Variants in RABGAP1L observed in about 807,000 individuals in gnomAD.
The protein encoded by RABGAP1L is RAB GTPase activating protein 1 like.
In RABGAP1L, 63 loss-of-function variants were observed where a neutral mutation model predicts 137.7. That is an observed-to-expected ratio of 0.46 (90% CI 0.37 to 0.56). The LOEUF is 0.56. RABGAP1L is among the 20% of genes least tolerant of loss of function. RABGAP1L has a pLI of 0.00. For missense variants in RABGAP1L, 1,095 were observed against 1,244.0 expected, an observed-to-expected ratio of 0.88 and a Z score of 1.80; for synonymous variants, 431 against 433.7, an observed-to-expected ratio of 0.99 and a Z score of 0.08.
intron 15 of RABGAP1L, among the ~76,000 whole-genome samples, chr1:174,689,448 A>G (rs1463940197): frequency 6.6e-6 from 1 of 152,116 alleles, no homozygotes; most frequent in Non-Finnish European, 1.5e-5. Context: ...AGGGTCAGAG[A>G]TGATTTTTCA....
chr1:174,742,141 AGAG>A (rs1683481666), intron 17 of RABGAP1L, among the ~76,000 whole-genome samples: 1 of 109,760 alleles, frequency 9.1e-6, no homozygotes, highest in African/African-American at 3.6e-5. Flanking sequence ...AGAAAGAAGA[AGAG>A]GAAGAGGAGA....
At chr1:174,402,257 G>A (rs1202816169) in intron 13 of RABGAP1L, among the ~76,000 whole-genome samples, 1 of 151,976 alleles carries the variant, frequency 6.6e-6, no homozygotes, top group Admixed American at 6.6e-5. Flanking sequence ...CCCAAAACTA[G>A]AATGAAAGGG....
intron 13 of RABGAP1L, among the ~76,000 whole-genome samples, chr1:174,544,337 T>G (rs1315565804): frequency 1.3e-5 from 2 of 152,196 alleles, no homozygotes; most frequent in Non-Finnish European, 2.9e-5. Context: ...TTGCTTCATT[T>G]CATTCATTTG....
intron 19 of RABGAP1L, among the ~76,000 whole-genome samples, chr1:174,949,221 G>T (rs368172653): frequency 2.0e-5 from 3 of 152,264 alleles, no homozygotes; most frequent in African/African-American, 7.2e-5. Context: ...GGAAGCAATT[G>T]GAAAATGTTA....
chr1:174,821,991 G>A (rs1054062910), intron 19 of RABGAP1L, among the ~76,000 whole-genome samples: 18 of 152,172 alleles, frequency 1.2e-4, no homozygotes, highest in African/African-American at 3.4e-4. Flanking sequence ...AGCTGGGTGC[G>A]GTGGCTCACG....
chr1:174,448,501 A>G lies in RABGAP1L; in HGVS notation c.1710+54356A>G, dbSNP rs1016306663. ...CAGTTCTAAAAAGTGTTTCTATGGC[A>G]TGTCTTGCTTGCATCAGTGTGGATC... On this transcript the variant is annotated intron_variant, in intron 13 of 25. Coordinates refer to ENST00000681986, the MANE Select transcript of RABGAP1L (RefSeq NM_001366446.1). The surrounding 1 kb of genome is among the most constrained non-coding windows in gnomAD (Gnocchi z 4.2). 19 of 1,613,576 alleles carry G rather than the reference A, an allele frequency of 1.2e-5. No individual in the cohort carries two copies. The highest frequency in any genetic ancestry group is 1.6e-5 in the Non-Finnish European group (19 of 1,179,626).
At chr1:174,914,739 CAG>C (rs1214902798) in intron 19 of RABGAP1L, among the ~76,000 whole-genome samples, 2 of 152,016 alleles carry the variant, frequency 1.3e-5, no homozygotes, top group East Asian at 1.9e-4. Context: ...AGAGAGTTCA[CAG>C]AGTTATGCAT....
intron 13 of RABGAP1L, among the ~76,000 whole-genome samples, chr1:174,481,126 A>C (rs1314156108): frequency 1.3e-5 from 2 of 152,146 alleles, no homozygotes; most frequent in Non-Finnish European, 2.9e-5. Context: ...TTATTTAACT[A>C]CCAATTTATC....
Position 174,305,135 on chromosome 1 carries a change from G to GTTGGACTTACTCAGTTTA in RABGAP1L, c.1465+11_1465+28dup. On this transcript the variant is annotated intron_variant, in intron 11 of 25. Coordinates refer to ENST00000681986, the MANE Select transcript of RABGAP1L (RefSeq NM_001366446.1). Reference sequence around the variant, plus strand: ...ATGATGAAGCAGAAGAGGGTAAGAAGTTGGACTTACTCAGTTTATTCTGTC... The same window carrying GTTGGACTTACTCAGTTTA: ...ATGATGAAGCAGAAGAGGGTAAGAAGTTGGACTTACTCAGTTTATTGGACTTACTCAGTTTATTCTGTC... 2.0e-6 allele frequency: 3 copies of GTTGGACTTACTCAGTTTA among 1,521,848 alleles called. No homozygotes were observed. Among genetic ancestry groups the GTTGGACTTACTCAGTTTA allele is most frequent in the Non-Finnish European group, 2.6e-6 (3 of 1,146,326 alleles). The allele number at this position is 1,521,848 out of a possible 1,614,324, so 94.3% of individuals were successfully genotyped here.
Position 174,481,266 on chromosome 1 carries a change from T to C in RABGAP1L, c.1710+87121T>C, listed in dbSNP as rs552250713. 3.3e-5 allele frequency among the ~76,000 whole-genome samples: 5 copies of C among 152,366 alleles called. No homozygotes were observed. The South Asian group carries it at 1.0e-3, about 32-fold the overall frequency. On this transcript the variant is annotated intron_variant, in intron 13 of 25. Transcript: ENST00000681986. ...CTAATTAAAACTCCAGTGACTTATC[T>C]GGCTTTGTGTTCCTTCATCTATGCC...
chr1:174,698,005 A>T (rs1679387912), intron 15 of RABGAP1L, among the ~76,000 whole-genome samples: 1 of 152,220 alleles, frequency 6.6e-6, no homozygotes, highest in African/African-American at 2.4e-5. Context: ...ATAATTAGAA[A>T]ATAGAAGTGG....
At chr1:174,321,773 T>C (rs1016738695) in intron 11 of RABGAP1L, among the ~76,000 whole-genome samples, 11 of 152,170 alleles carry the variant, frequency 7.2e-5, no homozygotes, top group African/African-American at 2.7e-4. Context: ...CTTACTAGTT[T>C]AAAAAAATTT....
chr1:174,856,264 C>G (rs1334863050), intron 19 of RABGAP1L, among the ~76,000 whole-genome samples: 1 of 151,854 alleles, frequency 6.6e-6, no homozygotes, highest in Non-Finnish European at 1.5e-5. Context: ...GGTGTGGTGG[C>G]GGGCACCTGT....
chr1:174,330,126 A>G (rs1680899857), intron 11 of RABGAP1L, among the ~76,000 whole-genome samples: 1 of 152,214 alleles, frequency 6.6e-6, no homozygotes, highest in Non-Finnish European at 1.5e-5. Flanking sequence ...CTGTTTGCAG[A>G]CAATATGATT....
chr1:174,195,572 C>G (rs1353823766), intron 1 of RABGAP1L, among the ~76,000 whole-genome samples: 1 of 115,120 alleles, frequency 8.7e-6, no homozygotes, highest in Non-Finnish European at 1.8e-5. Context: ...GGTTCTTAAT[C>G]AATTCTTTCT....
At chr1:174,617,413 G>A (rs1486694860) in intron 13 of RABGAP1L, among the ~76,000 whole-genome samples, 1 of 152,162 alleles carries the variant, frequency 6.6e-6, no homozygotes, top group African/African-American at 2.4e-5. Flanking sequence ...CCATCATACA[G>A]TTACTGGATG....
chr1:174,295,240 A>G (rs1169519409), intron 10 of RABGAP1L, among the ~76,000 whole-genome samples: 14 of 148,760 alleles, frequency 9.4e-5, no homozygotes, highest in Admixed American at 8.7e-4. Context: ...TTTGGAGACA[A>G]AGTCTCACTG....
At chr1:174,804,437 A>G (rs1053082206) in intron 18 of RABGAP1L, among the ~76,000 whole-genome samples, 10 of 151,676 alleles carry the variant, frequency 6.6e-5, no homozygotes, top group Non-Finnish European at 1.5e-4. Flanking sequence ...TGCCTGGCTT[A>G]TTTTTGTATT....
At chr1:174,419,764 A>G (rs1375586307) in intron 13 of RABGAP1L, among the ~76,000 whole-genome samples, 1 of 152,226 alleles carries the variant, frequency 6.6e-6, no homozygotes, top group Non-Finnish European at 1.5e-5. Context: ...GTAACAACTA[A>G]ATCATCTGAC....
Sources: allele counts gnomAD v4.1 joint callset (sites outside exome capture counted in the v4.1 genomes callset), GRCh38; gene constraint gnomAD v4.1.1; non-coding constraint Gnocchi (gnomAD v3.1); transcripts MANE v1.5; gene names NCBI Gene and HGNC (gene_info 2026-07-23, HGNC 2026-07-21).